Variants in SCHIP1 observed in about 807,000 individuals in gnomAD.
SCHIP1 encodes the protein schwannomin-interacting protein 1.
A neutral mutation model predicts 29.7 loss-of-function variants in SCHIP1; 8 were observed. The observed-to-expected ratio is 0.27, with a 90% CI of 0.16 to 0.49. SCHIP1 has a LOEUF of 0.49. Among genes scored for constraint, SCHIP1 ranks in the 20% least tolerant of loss-of-function variants. SCHIP1 has a pLI of 0.99. For missense variants in SCHIP1, 193 were observed against 294.6 expected, an observed-to-expected ratio of 0.66 and a Z score of 2.52; for synonymous variants, 76 against 94.9, an observed-to-expected ratio of 0.80 and a Z score of 1.16.
chr3:159,541,382 T>C, the SCHIP1 span, among the ~76,000 whole-genome samples: 12 of 152,092 alleles, frequency 7.9e-5, no homozygotes, highest in African/African-American at 2.9e-4. Context: ...TTATGGGAGA[T>C]GTGCAGTTGG....
chr3:159,558,719 C>T, the SCHIP1 span, among the ~76,000 whole-genome samples: 1 of 152,144 alleles, frequency 6.6e-6, no homozygotes, highest in Non-Finnish European at 1.5e-5. Context: ...TTCCAAGCTC[C>T]TTGACTCCAC....
the SCHIP1 span, among the ~76,000 whole-genome samples, chr3:159,475,088 C>T: frequency 7.2e-5 from 11 of 152,084 alleles, no homozygotes; most frequent in African/African-American, 2.7e-4. Context: ...TACTCCACTC[C>T]AAGAGAACTG....
the SCHIP1 span, among the ~76,000 whole-genome samples, chr3:159,824,884 C>T: frequency 6.6e-6 from 1 of 152,164 alleles, no homozygotes; most frequent in Non-Finnish European, 1.5e-5. Flanking sequence ...CAAATATGCT[C>T]TTTTTTTCTT....
chr3:159,432,408 G>A, the SCHIP1 span, among the ~76,000 whole-genome samples: 1 of 150,670 alleles, frequency 6.6e-6, no homozygotes, highest in African/African-American at 2.4e-5. Context: ...TAGACTTGAA[G>A]GAAGTCACAA....
At chr3:159,834,012 G>T in the SCHIP1 span, among the ~76,000 whole-genome samples, 1 of 152,064 alleles carries the variant, frequency 6.6e-6, no homozygotes, top group South Asian at 2.1e-4. Context: ...TCCTCCAAAG[G>T]ACTCTATTCC....
the SCHIP1 span, among the ~76,000 whole-genome samples, chr3:159,460,647 C>T: frequency 6.6e-6 from 1 of 152,116 alleles, no homozygotes; most frequent in Admixed American, 6.6e-5. Flanking sequence ...ATCCTGAGAA[C>T]AACTCTTCTT....
the SCHIP1 span, among the ~76,000 whole-genome samples, chr3:159,593,478 A>G: frequency 1.3e-5 from 2 of 152,170 alleles, no homozygotes; most frequent in South Asian, 2.1e-4. Context: ...AGCTGCCTCC[A>G]TCATCAAGCA....
At chr3:159,293,925 T>A in the SCHIP1 span, among the ~76,000 whole-genome samples, 1 of 152,042 alleles carries the variant, frequency 6.6e-6, no homozygotes, top group Non-Finnish European at 1.5e-5. Flanking sequence ...GTCCACAAAT[T>A]ACTGTTAGAT....
the SCHIP1 span, among the ~76,000 whole-genome samples, chr3:159,587,110 A>C: frequency 2.3e-4 from 35 of 152,240 alleles, no homozygotes; most frequent in South Asian, 6.8e-3. Flanking sequence ...CTTTTCCAAA[A>C]TACTGACTCC....
At chr3:159,804,379 C>A in the SCHIP1 span, among the ~76,000 whole-genome samples, 7 of 152,134 alleles carry the variant, frequency 4.6e-5, no homozygotes, top group East Asian at 1.3e-3. Flanking sequence ...GTGATCAATA[C>A]ATTTCCAAAA....
the SCHIP1 span, among the ~76,000 whole-genome samples, chr3:159,477,996 C>A: frequency 7.1e-6 from 1 of 140,984 alleles, no homozygotes; most frequent in Non-Finnish European, 1.5e-5. Context: ...GATCTTGGCT[C>A]ACTGCAACCT....
At chr3:159,886,423 GA>G in intron 3 of SCHIP1, 99 bp downstream of exon 4, 7 of 1,117,734 alleles carry the variant, frequency 6.3e-6, no homozygotes, top group Non-Finnish European at 9.0e-6. Flanking sequence ...ACATTTCAGA[GA>G]TTAAAGAAGA....
the SCHIP1 span, among the ~76,000 whole-genome samples, chr3:159,333,167 GAA>G: frequency 6.6e-6 from 1 of 152,120 alleles, no homozygotes; most frequent in South Asian, 2.1e-4. Flanking sequence ...TAACATAAAA[GAA>G]AATGCCAATT....
chr3:159,710,745 ATAAAAC>A, the SCHIP1 span, among the ~76,000 whole-genome samples: 10 of 152,248 alleles, frequency 6.6e-5, no homozygotes, highest in African/African-American at 2.4e-4. Context: ...ATCTGAAACT[ATAAAAC>A]TAAAAGAAAA....
At chr3:159,463,069 A>AT in the SCHIP1 span, among the ~76,000 whole-genome samples, 1 of 151,886 alleles carries the variant, frequency 6.6e-6, no homozygotes, top group East Asian at 1.9e-4. Context: ...TCAATATTAT[A>AT]TAGACATGGG....
chr3:159,483,797 T>C, the SCHIP1 span, among the ~76,000 whole-genome samples: 1 of 152,188 alleles, frequency 6.6e-6, no homozygotes, highest in Non-Finnish European at 1.5e-5. Flanking sequence ...CATGTAAATA[T>C]GTATGCATAT....
chr3:159,317,065 T>C, the SCHIP1 span, among the ~76,000 whole-genome samples: 1 of 152,216 alleles, frequency 6.6e-6, no homozygotes, highest in African/African-American at 2.4e-5. Context: ...GGGTCATTTG[T>C]AGTCCTGCCT....
the SCHIP1 span, chr3:159,273,962 A>G: frequency 1.3e-6 from 2 of 1,562,152 alleles, no homozygotes; most frequent in Admixed American, 1.9e-5. Context: ...TCAAAGTCGA[A>G]CTAAGTAACT....
chr3:159,498,853 C>T, the SCHIP1 span, among the ~76,000 whole-genome samples: 1 of 152,174 alleles, frequency 6.6e-6, no homozygotes, highest in Non-Finnish European at 1.5e-5. Flanking sequence ...TCTTATTTTA[C>T]AGGCTTCTTT....
Sources: gnomAD v4.1 joint callset for allele counts (sites outside exome capture counted in the v4.1 genomes callset) on GRCh38, gnomAD v4.1.1 for gene constraint, MANE v1.5 for transcripts, NCBI Gene and HGNC (gene_info 2026-07-23, HGNC 2026-07-21) for gene names.